The following ADAMTSL1 variants were observed in gnomAD, a reference collection of about 807,000 sequenced individuals.
ADAMTSL1 encodes the protein ADAMTS-like protein 1.
In ADAMTSL1, 126 loss-of-function variants were observed where a neutral mutation model predicts 201.8. That is an observed-to-expected ratio of 0.62 (90% CI 0.54 to 0.72). The LOEUF is 0.72. ADAMTSL1 is among the 30% of genes least tolerant of loss of function. The probability of loss-of-function intolerance (pLI) is 0.00; values close to 1 mark genes in which losing one functional copy is unlikely to be tolerated. For synonymous variants in ADAMTSL1, 1,121 were observed against 903.4 expected (o/e 1.24, Z -4.32); for missense variants, 2,679 against 2,277.8 (o/e 1.18, Z -3.59).
chr9:18,184,371 C>T (rs1049206237), intron 2 of ADAMTSL1, among the ~76,000 whole-genome samples: 2 of 152,172 alleles, frequency 1.3e-5, no homozygotes, highest in African/African-American at 4.8e-5. Context: ...ATCAATTTTT[C>T]TCAAGTTTAT....
At chr9:18,839,525 T>G (rs1418793952) in intron 23 of ADAMTSL1, among the ~76,000 whole-genome samples, 2 of 152,204 alleles carry the variant, frequency 1.3e-5, no homozygotes, top group Non-Finnish European at 2.9e-5. Context: ...GCAGCATGAT[T>G]TATAGTCCTT....
At chr9:18,714,889 GC>G (rs1339187188) in intron 14 of ADAMTSL1, among the ~76,000 whole-genome samples, 5 of 150,350 alleles carry the variant, frequency 3.3e-5, no homozygotes, top group African/African-American at 7.3e-5. Context: ...ACATCAAAAA[GC>G]TTATCCACCA....
intron 4 of ADAMTSL1, among the ~76,000 whole-genome samples, chr9:18,593,427 T>G (rs1403753634): frequency 6.6e-6 from 1 of 152,094 alleles, no homozygotes; most frequent in Non-Finnish European, 1.5e-5. Context: ...TGATCTTTAT[T>G]TTTTTACATC....
intron 1 of ADAMTSL1, among the ~76,000 whole-genome samples, chr9:17,995,336 A>C (rs1819326299): frequency 6.6e-6 from 1 of 152,130 alleles, no homozygotes; most frequent in African/African-American, 2.4e-5. Context: ...GTATTCTTTG[A>C]AGGTAGGACT....
chr9:18,544,018 C>T (rs1820326736), intron 3 of ADAMTSL1, among the ~76,000 whole-genome samples: 1 of 152,158 alleles, frequency 6.6e-6, no homozygotes, highest in South Asian at 2.1e-4. Context: ...GGTATGAACA[C>T]TCGTCAGTGG....
At chr9:18,801,661 C>T (rs969688721) in intron 20 of ADAMTSL1, among the ~76,000 whole-genome samples, 2 of 152,116 alleles carry the variant, frequency 1.3e-5, no homozygotes, top group African/African-American at 4.8e-5. Flanking sequence ...ATTAGTTTGC[C>T]TCCAGCTCCA....
intron 15 of ADAMTSL1, among the ~76,000 whole-genome samples, chr9:18,751,844 A>ATAAAGACACAACTAGAAAACCATGGGG (rs1588043614): frequency 2.6e-5 from 1 of 38,234 alleles, no homozygotes; most frequent in Non-Finnish European, 6.0e-5. Flanking sequence ...TACAACTTGC[A>ATAAAGACACAACTAGAAAACCATGGGG]CTTTGGGAGG....
intron 2 of ADAMTSL1, among the ~76,000 whole-genome samples, chr9:18,204,809 T>A (rs1256731983): frequency 6.7e-6 from 1 of 148,946 alleles, no homozygotes; most frequent in Admixed American, 6.7e-5. Context: ...GGGCAATAAC[T>A]GTAATGTAAG....
chr9:18,621,555 TCC>T (rs1491122890), intron 4 of ADAMTSL1, among the ~76,000 whole-genome samples: 61 of 82,596 alleles, frequency 7.4e-4, no homozygotes, highest in African/African-American at 2.4e-3. Context: ...ACCGTCCTCT[TCC>T]ACACACACAC....
intron 19 of ADAMTSL1, among the ~76,000 whole-genome samples, chr9:18,790,144 T>A (rs555807718): frequency 1.7e-4 from 26 of 152,330 alleles, no homozygotes; most frequent in African/African-American, 5.5e-4. Context: ...TGAGACCTTT[T>A]TACTTGGAAA....
intron 4 of ADAMTSL1, among the ~76,000 whole-genome samples, chr9:18,596,715 T>G (rs1369777190): frequency 6.6e-6 from 1 of 152,204 alleles, no homozygotes; most frequent in East Asian, 1.9e-4. Flanking sequence ...TATTGTTGAT[T>G]TATTCATTCA....
chr9:18,654,322 A>G (rs1308802066), intron 7 of ADAMTSL1, among the ~76,000 whole-genome samples: 1 of 152,264 alleles, frequency 6.6e-6, no homozygotes, highest in Non-Finnish European at 1.5e-5. Flanking sequence ...GTGATCAGTA[A>G]CATCTTCAAG....
intron 15 of ADAMTSL1, among the ~76,000 whole-genome samples, chr9:18,729,628 C>T (rs556585288): frequency 6.6e-6 from 1 of 152,328 alleles, no homozygotes; most frequent in Non-Finnish European, 1.5e-5. Context: ...TTCCTTCAGT[C>T]TCCACTGAAC....
At chr9:18,119,547 C>T (rs998619136) in intron 1 of ADAMTSL1, among the ~76,000 whole-genome samples, 2 of 149,916 alleles carry the variant, frequency 1.3e-5, no homozygotes, top group Non-Finnish European at 2.9e-5. Flanking sequence ...AGGTGATCCG[C>T]CCAGCTTGGC....
At chr9:18,095,890 G>A (rs1824230742) in intron 1 of ADAMTSL1, among the ~76,000 whole-genome samples, 1 of 152,090 alleles carries the variant, frequency 6.6e-6, no homozygotes, top group African/African-American at 2.4e-5. Context: ...ACTGCTACTG[G>A]GTTGGTCATT....
At chr9:17,976,632 TG>T (rs1246536257) in intron 1 of ADAMTSL1, among the ~76,000 whole-genome samples, 1 of 151,930 alleles carries the variant, frequency 6.6e-6, no homozygotes, top group Non-Finnish European at 1.5e-5. Flanking sequence ...AACAGCTTTT[TG>T]GTGAAGTCCT....
At chr9:18,772,367 G>A (rs1403304914) in intron 17 of ADAMTSL1, among the ~76,000 whole-genome samples, 1 of 152,216 alleles carries the variant, frequency 6.6e-6, no homozygotes, top group Non-Finnish European at 1.5e-5. Flanking sequence ...AGAAGATTCA[G>A]AAAATGTTCT....
At chr9:18,186,717 C>A (rs1293056011) in intron 2 of ADAMTSL1, among the ~76,000 whole-genome samples, 3 of 152,048 alleles carry the variant, frequency 2.0e-5, no homozygotes, top group Non-Finnish European at 4.4e-5. Context: ...AATTGCATTT[C>A]ACATTTTATA....
chr9:18,236,097 C>T (rs992797875), intron 2 of ADAMTSL1, among the ~76,000 whole-genome samples: 1 of 152,076 alleles, frequency 6.6e-6, no homozygotes, highest in Non-Finnish European at 1.5e-5. Flanking sequence ...AATCAGTACC[C>T]TCACCCAAAA....
Sources: allele counts gnomAD v4.1 joint callset (sites outside exome capture counted in the v4.1 genomes callset), GRCh38; gene constraint gnomAD v4.1.1; transcripts MANE v1.5; gene names NCBI Gene and HGNC (gene_info 2026-07-23, HGNC 2026-07-21).